The following PNKP variants were observed in gnomAD, a reference collection of about 807,000 sequenced individuals.
PNKP encodes bifunctional polynucleotide phosphatase/kinase.
Under a neutral mutation model 66.2 loss-of-function variants are expected in PNKP, and 82 were observed. That is an observed-to-expected ratio of 1.24 (90% CI 1.04 to 1.49). The LOEUF is 1.49. Ranked by LOEUF, PNKP falls within the 40% of genes most tolerant of loss-of-function variation. The pLI is 0.00. For missense variants in PNKP, 907 were observed against 706.8 expected (o/e 1.28, Z -3.21); for synonymous variants, 412 against 298.9 (o/e 1.38, Z -3.90).
In PNKP at chr19:49,862,727, G is replaced by A. The variant is rs1364200093; in HGVS notation, c.828C>T (p.Gly276=). The A allele has an allele frequency of 1.2e-6, 2 of 1,614,092 alleles. No homozygotes were observed. ...TGCTGTCCCCGATGGATATGGGCGTGCCGTCGTTGGCCTACGGGAGACGGT... is the reference window on the plus strand; with the variant it reads ...TGCTGTCCCCGATGGATATGGGCGTACCGTCGTTGGCCTACGGGAGACGGT... ...WDHLQEQAND[G]TPISIGDSIF... is the part of the protein sequence containing the mutation. Residue 276 remains glycine, a synonymous_variant, in exon 9 of 17, where the codon GGC becomes GGT. Coordinates refer to ENST00000322344, the MANE Select transcript of PNKP (RefSeq NM_007254.4).
At position 49,861,770 on chromosome 19, in the gene PNKP, A is replaced by T. The variant is rs2074767575; in HGVS notation, c.1298+2T>A. ...CCACCTACGGCCCCGCGGTCACGCT[A>T]CCTGGCGCGGCTCGCGGCGTCTGGG... On this transcript the variant is annotated splice_donor_variant, in intron 14 of 16. Transcript: ENST00000322344. LOFTEE classifies it high-confidence loss of function. 1.3e-6 allele frequency: 2 copies of T among 1,569,172 alleles called. No homozygotes were observed. Among genetic ancestry groups the T allele is most frequent in the Middle Eastern group, 1.7e-4 (1 of 5,998 alleles).
Position 49,865,301 on chromosome 19 carries a change from C to G in PNKP, c.324G>C (p.Glu108Asp). 6.2e-7 allele frequency: 1 copy of G among 1,614,210 alleles called. No individual in the cohort carries two copies. Among genetic ancestry groups the G allele is most frequent in the Non-Finnish European group, 8.5e-7 (1 of 1,180,036 alleles). Reference protein sequence around the residue: ...GLHPLTLRWEETRTPESQPDT... With the variant: ...GLHPLTLRWEDTRTPESQPDT... The stretch of plus-strand genomic sequence containing the variant: ...CTGGCTGGGATTCTGGTGTGCGGGT[C>G]TCTTCCCAGCGCAGGGTCAGTGGGT... Residue 108 changes from glutamate (E) to aspartate (D), a missense_variant, in exon 4 of 17, where the codon GAG (glutamate) becomes GAC (aspartate). Glu to Asp is a conservative substitution (Grantham distance 45). Coordinates refer to ENST00000322344, the MANE Select transcript of PNKP (RefSeq NM_007254.4).
chr19:49,863,403 C>T (rs142158594), intron 8 of PNKP, among the ~76,000 whole-genome samples: 4 of 152,358 alleles, frequency 2.6e-5, no homozygotes, highest in South Asian at 2.1e-4. Flanking sequence ...TGGAGCAGGC[C>T]GTCCCGCTCA....
chr19:49,862,178 C>CACTT lies in PNKP; in HGVS notation c.1126+3_1126+6dup, dbSNP rs1180378822. On this transcript the variant is annotated splice_region_variant and intron_variant, in intron 12 of 16. Coordinates refer to ENST00000322344, the MANE Select transcript of PNKP (RefSeq NM_007254.4). ...TCAGGGCACGCGCACAGGAACAGGA[C>CACTT]ACTTACCCCCAGGGAATCCCACTGC... is the stretch of plus-strand genomic sequence containing the variant. 8.7e-6 allele frequency: 14 copies of CACTT among 1,613,718 alleles called. No individual in the cohort carries two copies. The highest frequency in any genetic ancestry group is 1.3e-5 in the African/African-American group (1 of 74,924).
In PNKP at chr19:49,861,327, G is replaced by A; in HGVS notation, c.1487C>T (p.Ser496Phe). The change falls in exon 17 of 17, where the codon TCT (serine) becomes TTT (phenylalanine). Residue 496 changes from serine (S) to phenylalanine (F), a missense_variant. Physicochemically the swap from Ser to Phe is radical, Grantham distance 155. Transcript: ENST00000322344. The part of the protein sequence containing the change: ...FEAPTLAEGF[S>F]AILEIPFRLW... ...CCGGAACGGGATCTCCAGGATGGCAGAGAAGCCTTCAGCCAGCGTTGGGGC... is the reference window on the plus strand; with the variant it reads ...CCGGAACGGGATCTCCAGGATGGCAAAGAAGCCTTCAGCCAGCGTTGGGGC... 1 of 1,614,156 alleles carries A rather than the reference G, an allele frequency of 6.2e-7. No individual in the cohort carries two copies. The highest frequency in any genetic ancestry group is 8.5e-7 in the Non-Finnish European group (1 of 1,180,014).
chr19:49,863,113 C>T (rs961513862), intron 8 of PNKP, among the ~76,000 whole-genome samples: 9 of 152,236 alleles, frequency 5.9e-5, no homozygotes, highest in African/African-American at 1.9e-4. Context: ...TAGAGCCAGC[C>T]GCATGGGCCT....
In PNKP at chr19:49,862,287, AGGGGCGGG is replaced by A; in HGVS notation, c.1030-14_1030-7del. ...CCTGAGCGGGAGACAGTCCTCTGCG[AGGGGCGGG>A]GGACACGCGTGAGATGCCGTCCCCA... On this transcript the variant is annotated splice_polypyrimidine_tract_variant and splice_region_variant and intron_variant, in intron 11 of 16. Transcript: ENST00000322344. The A allele has an allele frequency of 4.4e-6, 7 of 1,582,156 alleles. No individual in the cohort carries two copies. Among genetic ancestry groups the A allele is most frequent in the Non-Finnish European group, 6.0e-6 (7 of 1,164,268 alleles).
In PNKP at chr19:49,865,311, C is replaced by A. The variant is rs535302504; in HGVS notation, c.314G>T (p.Arg105Leu). The A allele has an allele frequency of 6.2e-7, 1 of 1,614,196 alleles. No individual in the cohort carries two copies. The highest frequency in any genetic ancestry group is 8.5e-7 in the Non-Finnish European group (1 of 1,180,022). Reference protein sequence around the residue: ...LVNGLHPLTLRWEETRTPESQ... With the variant: ...LVNGLHPLTLLWEETRTPESQ... ...TTCTGGTGTGCGGGTCTCTTCCCAG[C>A]GCAGGGTCAGTGGGTGGAGGCCATT... The change falls in exon 4 of 17, where the codon CGC (arginine) becomes CTC (leucine). Residue 105 changes from arginine (R) to leucine (L), a missense_variant. By Grantham distance (102) the Arg-to-Leu change is moderately radical. Coordinates refer to ENST00000322344, the MANE Select transcript of PNKP (RefSeq NM_007254.4).
chr19:49,862,218 G>C lies in PNKP; in HGVS notation c.1093C>G (p.Pro365Ala). 6.2e-7 allele frequency: 1 copy of C among 1,613,356 alleles called. No individual in the cohort carries two copies. Among genetic ancestry groups the C allele is most frequent in the Non-Finnish European group, 8.5e-7 (1 of 1,179,670 alleles). The change falls in exon 12 of 17, where the codon CCG becomes GCG. Residue 365 changes from proline to alanine, a missense_variant. Pro to Ala is a conservative substitution (Grantham distance 27, BLOSUM62 -1). Coordinates refer to ENST00000322344, the MANE Select transcript of PNKP (RefSeq NM_007254.4). ...PESRALLSAS[P>A]EVVVAVGFPG... ...AATCCCACTGCGACAACCACCTCCG[G>C]GCTGGCGCTCAGGAGGGCCCTGGAC...
At position 49,863,694 on chromosome 19, in the gene PNKP, C is replaced by A; in HGVS notation, c.811G>T (p.Glu271Ter). ...PVTGMWDHLQ[E>*]QANDGTPISI... is the part of the protein sequence containing the mutation. ...GGGCAGGCTGCAAGACTCACCTGCT[C>A]CTGCAGATGGTCCCACATGCCCGTC... The change falls in exon 8 of 17, where the codon GAG (glutamate) becomes TAG (stop). Residue 271 changes from glutamate (E) to a stop codon, truncating the protein, a stop_gained. Coordinates refer to ENST00000322344, the MANE Select transcript of PNKP (RefSeq NM_007254.4). LOFTEE classifies it high-confidence loss of function. 1 of 1,554,244 alleles carries A rather than the reference C, an allele frequency of 6.4e-7. No homozygotes were observed. The highest frequency in any genetic ancestry group is 8.7e-7 in the Non-Finnish European group (1 of 1,148,188).
At chr19:49,862,886 C>G in intron 8 of PNKP, 148 bp from the exon 9 acceptor site, 1 of 847,184 alleles carries the variant, frequency 1.2e-6, no homozygotes, top group Non-Finnish European at 1.9e-6. Flanking sequence ...CACTTTGCAC[C>G]GTGCTCCTGG....
At chr19:49,861,921 G>A in intron 13 of PNKP, 40 bp from the exon 14 acceptor site, 1 of 1,581,636 alleles carries the variant, frequency 6.3e-7, no homozygotes, top group South Asian at 1.1e-5. Flanking sequence ...GGCAGACCCA[G>A]GGGGAGAGAA....
chr19:49,866,768 ATT>A (rs375032941), intron 2 of PNKP: 6 of 592,390 alleles, frequency 1.0e-5, no homozygotes, highest in African/African-American at 5.6e-5. Flanking sequence ...CCACAGGATC[ATT>A]TTTCTCTTGA....
At chr19:49,861,998 A>G in intron 13 of PNKP, 46 bp downstream of exon 13, 2 of 1,608,854 alleles carry the variant, frequency 1.2e-6, no homozygotes, top group South Asian at 2.2e-5. Context: ...AGAGGTGGAG[A>G]TGGGAACTTT....
Position 49,865,404 on chromosome 19 carries a change from G to A in PNKP, c.221C>T (p.Thr74Ile). 6.2e-7 allele frequency: 1 copy of A among 1,610,320 alleles called. No individual in the cohort carries two copies. The highest frequency in any genetic ancestry group is 8.5e-7 in the Non-Finnish European group (1 of 1,178,274). ...VKQLGVNPST[T>I]GTQELKPGLE... ...CCCCGGCTTCAACTCCTGGGTCCCG[G>A]TAGTTGAGGGGTTAACTCCCAGCTG... Residue 74 changes from threonine (T) to isoleucine (I), a missense_variant, in exon 4 of 17, where the codon ACC becomes ATC. By Grantham distance (89) the Thr-to-Ile change is moderately conservative. Coordinates refer to ENST00000322344, the MANE Select transcript of PNKP (RefSeq NM_007254.4).
chr19:49,866,235 A>G, intron 3 of PNKP, 164 bp downstream of exon 3: 1 of 723,524 alleles, frequency 1.4e-6, no homozygotes, highest in Non-Finnish European at 2.5e-6. Flanking sequence ...CCTGGGTTCA[A>G]GCGATCCGCC....
intron 2 of PNKP, 67 bp downstream of exon 2, chr19:49,866,987 A>T: frequency 6.6e-7 from 1 of 1,505,970 alleles, no homozygotes; most frequent in Non-Finnish European, 9.2e-7. Flanking sequence ...GTAGCAGCCA[A>T]GCGTCCCTCT....
At chr19:49,863,200 C>A (rs1480421883) in intron 8 of PNKP, among the ~76,000 whole-genome samples, 1 of 152,190 alleles carries the variant, frequency 6.6e-6, no homozygotes, top group African/African-American at 2.4e-5. Flanking sequence ...AGGGGGGGGA[C>A]CGCTTTCCCC....
chr19:49,864,513 TCA>T (rs772984464), intron 4 of PNKP, 110 bp from the exon 5 acceptor site: 23 of 841,404 alleles, frequency 2.7e-5, no homozygotes, highest in Admixed American at 7.0e-5. Context: ...CACTGCCATC[TCA>T]CAGATGGGGA....
Sources: gnomAD v4.1 joint callset for allele counts (sites outside exome capture counted in the v4.1 genomes callset) on GRCh38, gnomAD v4.1.1 for gene constraint, MANE v1.5 for transcripts, NCBI Gene and HGNC (gene_info 2026-07-23, HGNC 2026-07-21) for gene names.